Variants in GPM6B observed in about 807,000 individuals in gnomAD.
The protein encoded by GPM6B is neuronal membrane glycoprotein M6-b.
In GPM6B, 4 loss-of-function variants were observed where a neutral mutation model predicts 27.2. The observed-to-expected ratio is 0.15, with a 90% CI of 0.07 to 0.34. The LOEUF (loss-of-function observed/expected upper bound fraction) is 0.34. Among genes scored for constraint, GPM6B ranks in the 10% least tolerant of loss-of-function variants. GPM6B has a pLI of 1.00. For missense variants in GPM6B, 183 were observed against 261.9 expected (o/e 0.70, Z 2.08); for synonymous variants, 124 against 103.1 (o/e 1.20, Z -1.23).
Position 13,796,532 on chromosome X carries a change from G to A in GPM6B, c.182-10724C>T, listed in dbSNP as rs755254794. Among the ~76,000 whole-genome samples the A allele has an allele frequency of 2.0e-3, 221 of 112,377 alleles. 1 individual carries two copies. The highest frequency in any genetic ancestry group is 6.4e-3 in the African/African-American group (198 of 30,964). ...AAAAAGATGTGAAGTCAGTTGACAG[G>A]GGCTTCCTGTCCAAGAACAAAGTGC... On this transcript the variant is annotated intron_variant, in intron 2 of 7. Coordinates refer to ENST00000316715, the MANE Select transcript of GPM6B (RefSeq NM_001001995.3).
chrX:13,821,538 G>A (rs777928623), upstream of GPM6B, among the ~76,000 whole-genome samples: 9 of 112,544 alleles, frequency 8.0e-5, no homozygotes, highest in African/African-American at 1.9e-4. Context: ...TCATTCATTC[G>A]TTTATTCATC....
At chrX:13,916,035 G>A (rs770109336) in intron 1 of GPM6B, among the ~76,000 whole-genome samples, 12 of 111,794 alleles carry the variant, frequency 1.1e-4, no homozygotes, top group African/African-American at 3.9e-4. Context: ...TGAAAGGCTC[G>A]GCCGGATTTT....
chrX:13,926,279 G>A (rs965493556), intron 1 of GPM6B, among the ~76,000 whole-genome samples: 1 of 106,824 alleles, frequency 9.4e-6, no homozygotes, highest in African/African-American at 3.4e-5. Flanking sequence ...GTAGTGGCGG[G>A]CGCCTGTAGT....
chrX:13,862,843 T>C (rs1223702869), intron 1 of GPM6B, among the ~76,000 whole-genome samples: 21 of 99,463 alleles, frequency 2.1e-4, no homozygotes, highest in Non-Finnish European at 3.9e-4. Context: ...CATGCCACCA[T>C]GCCCGGCTAA....
At chrX:13,931,554 G>C (rs1191833239) in intron 1 of GPM6B, among the ~76,000 whole-genome samples, 2 of 110,607 alleles carry the variant, frequency 1.8e-5, no homozygotes, top group East Asian at 2.8e-4. Flanking sequence ...TAAATAAATA[G>C]ACATGGAAGT....
chrX:13,789,388 T>A, intron 2 of GPM6B, among the ~76,000 whole-genome samples: 1 of 111,879 alleles, frequency 8.9e-6, no homozygotes, highest in Non-Finnish European at 1.9e-5. Context: ...TAAATGTGTT[T>A]ATTTAGGAGC....
At chrX:13,791,166 T>C (rs1458221540) in intron 2 of GPM6B, among the ~76,000 whole-genome samples, 1 of 111,717 alleles carries the variant, frequency 9.0e-6, no homozygotes, top group Non-Finnish European at 1.9e-5. Context: ...TTTTGATGAC[T>C]GTGATGTATT....
intron 1 of GPM6B, among the ~76,000 whole-genome samples, chrX:13,826,158 AAGGCACGATGATCTT>A (rs1266953645): frequency 9.0e-6 from 1 of 110,926 alleles, no homozygotes; most frequent in African/African-American, 3.3e-5. Flanking sequence ...GACAAAACGG[AAGGCACGATGATCTT>A]GGGTCTTAGT....
chrX:13,780,061 G>A, intron 4 of GPM6B, 72 bp from the exon 5 acceptor site: 2 of 958,710 alleles, frequency 2.1e-6, no homozygotes, highest in Non-Finnish European at 1.4e-6. Flanking sequence ...TGGAAGGATT[G>A]TGCATTTTCA....
intron 1 of GPM6B, among the ~76,000 whole-genome samples, chrX:13,894,664 C>T (rs767821317): frequency 2.7e-5 from 3 of 112,359 alleles, no homozygotes; most frequent in Non-Finnish European, 5.6e-5. Context: ...ACAAGTGAAA[C>T]AAAAATTCAT....
chrX:13,800,347 CAGCTA>C (rs2048898716), intron 2 of GPM6B, among the ~76,000 whole-genome samples: 1 of 112,076 alleles, frequency 8.9e-6, no homozygotes, highest in Admixed American at 9.4e-5. Flanking sequence ...GTTTCTGAGA[CAGCTA>C]AGCTGAGTCC....
At chrX:13,792,885 C>T (rs1373081197) in intron 2 of GPM6B, among the ~76,000 whole-genome samples, 1 of 90,594 alleles carries the variant, frequency 1.1e-5, no homozygotes, top group African/African-American at 4.3e-5. Context: ...GGCGACAGAG[C>T]GAGACTCCGT....
At chrX:13,840,845 CATTT>C (rs1303269583) in intron 1 of GPM6B, among the ~76,000 whole-genome samples, 1 of 112,088 alleles carries the variant, frequency 8.9e-6, no homozygotes, top group East Asian at 2.8e-4. Flanking sequence ...GGTATATACA[CATTT>C]ACATATATGC....
rs898467600 is a variant in GPM6B at position 13,772,062 on chromosome X, A to G, written c.*819T>C. The G allele has an allele frequency of 8.9e-6, 1 of 112,428 alleles. No homozygotes were observed. The highest frequency in any genetic ancestry group is 1.9e-5 in the Non-Finnish European group (1 of 53,217). The allele number at this position is 112,428 out of a possible 1,213,427, so 9.3% of individuals were successfully genotyped here. On this transcript the variant is annotated 3_prime_UTR_variant, in exon 8 of 8. Coordinates refer to ENST00000316715, the MANE Select transcript of GPM6B (RefSeq NM_001001995.3). ...TTTATGGAACAAAATTCTGTGAAAG[A>G]TATTTGGGTCTCTAGTTATGATATA...
intron 1 of GPM6B, among the ~76,000 whole-genome samples, chrX:13,845,200 C>T (rs770911917): frequency 1.8e-5 from 2 of 110,381 alleles, no homozygotes; most frequent in African/African-American, 3.3e-5. Flanking sequence ...AGGTTGGCCA[C>T]GCTGGTCTCA....
Position 13,771,994 on chromosome X carries a change from G to A in GPM6B, c.*887C>T, listed in dbSNP as rs944825878. 3 of 112,324 alleles carry A rather than the reference G, an allele frequency of 2.7e-5. No individual in the cohort carries two copies. The highest frequency in any genetic ancestry group is 9.7e-5 in the African/African-American group (3 of 30,824). The allele number at this position is 112,324 out of a possible 1,213,427, so 9.3% of individuals were successfully genotyped here. ...CACTGAAAAATGGTTTAGAATGGTG[G>A]TCATTTTAATAAGGTAACACTTCTT... On this transcript the variant is annotated 3_prime_UTR_variant, in exon 8 of 8. Coordinates refer to ENST00000316715, the MANE Select transcript of GPM6B (RefSeq NM_001001995.3).
chrX:13,911,470 A>G (rs1261041545), intron 1 of GPM6B, among the ~76,000 whole-genome samples: 1 of 112,450 alleles, frequency 8.9e-6, no homozygotes, highest in East Asian at 2.8e-4. Flanking sequence ...CTCAAGCCAC[A>G]TGCCACCACT....
chrX:13,783,171 T>C (rs755574819), intron 4 of GPM6B, among the ~76,000 whole-genome samples, 194 bp downstream of exon 4: 5 of 112,646 alleles, frequency 4.4e-5, no homozygotes, highest in African/African-American at 6.5e-5. Flanking sequence ...CTGCCAGCCA[T>C]AGACTTTAGT....
intron 3 of GPM6B, among the ~76,000 whole-genome samples, chrX:13,784,860 T>A (rs944718632): frequency 2.7e-4 from 30 of 111,828 alleles, no homozygotes; most frequent in Non-Finnish European, 5.7e-5. Context: ...GATCTGCTCT[T>A]CTGCTGGAAG....
Sources: allele counts gnomAD v4.1 joint callset (sites outside exome capture counted in the v4.1 genomes callset), GRCh38; gene constraint gnomAD v4.1.1; transcripts MANE v1.5; gene names NCBI Gene and HGNC (gene_info 2026-07-23, HGNC 2026-07-21).